Variants in GYS2 observed in about 807,000 individuals in gnomAD.
The protein encoded by GYS2 is glycogen [starch] synthase, liver.
Under a neutral mutation model 85.6 loss-of-function variants are expected in GYS2, and 80 were observed. The observed-to-expected ratio is 0.93, with a 90% CI of 0.78 to 1.13. GYS2 has a LOEUF of 1.13. GYS2 is among the 50% of genes most tolerant of loss of function. GYS2 has a pLI of 0.00. For missense variants in GYS2, 881 were observed against 854.9 expected (o/e 1.03, Z -0.38); for synonymous variants, 328 against 300.7 (o/e 1.09, Z -0.94).
At chr12:21,568,767 A>T in intron 5 of GYS2, 98 bp downstream of exon 5, 2 of 1,058,198 alleles carry the variant, frequency 1.9e-6, no homozygotes, top group Non-Finnish European at 1.5e-6. Context: ...ACTGAATGCA[A>T]TTTTTCCTCA....
At chr12:21,577,604 C>T (rs1944461003) in intron 2 of GYS2, among the ~76,000 whole-genome samples, 2 of 152,262 alleles carry the variant, frequency 1.3e-5, no homozygotes, top group African/African-American at 4.8e-5. Context: ...ATTCTCTATG[C>T]TGCCTTCACT....
Position 21,580,624 on chromosome 12 carries a change from A to G in GYS2, c.122-101T>C, listed in dbSNP as rs979595287. The G allele has an allele frequency of 3.4e-6, 3 of 875,684 alleles. No individual in the cohort carries two copies. The African/African-American group carries it at 4.9e-5, about 14-fold the overall frequency. 54.2% of individuals were successfully genotyped at this position (875,684 alleles called of 1,614,324 possible). A position where few individuals can be genotyped will look rare whatever the true frequency, so the allele number is the denominator to read the frequency against. ...TCAGATTTTTAAATTAGCATTTAGGATCCACTAAGCCCAAGGATTTATTTA... is the reference window on the plus strand; with the variant it reads ...TCAGATTTTTAAATTAGCATTTAGGGTCCACTAAGCCCAAGGATTTATTTA... On this transcript the variant is annotated intron_variant, in intron 1 of 15. Transcript: ENST00000261195.
intron 11 of GYS2, among the ~76,000 whole-genome samples, chr12:21,546,702 A>C (rs1944044855): frequency 6.6e-6 from 1 of 152,182 alleles, no homozygotes; most frequent in Non-Finnish European, 1.5e-5. Context: ...TCAGGTTCCA[A>C]GGCTTAGGTT....
At chr12:21,585,937 G>T (rs769409737) in intron 1 of GYS2, among the ~76,000 whole-genome samples, 1 of 152,134 alleles carries the variant, frequency 6.6e-6, no homozygotes, top group Non-Finnish European at 1.5e-5. Context: ...ATGACTTATT[G>T]TTGTCTTTAT....
intron 4 of GYS2, among the ~76,000 whole-genome samples, chr12:21,570,177 C>T (rs141185326): frequency 4.6e-5 from 7 of 152,178 alleles, no homozygotes; most frequent in Non-Finnish European, 1.0e-4. Context: ...GGAATCATCT[C>T]TCTGAAAATG....
intron 11 of GYS2, among the ~76,000 whole-genome samples, chr12:21,556,887 T>A (rs907714247): frequency 2.6e-5 from 4 of 152,116 alleles, no homozygotes; most frequent in African/African-American, 9.7e-5. Flanking sequence ...ATTTGTTTGA[T>A]TTTTTTAACA....
intron 4 of GYS2, among the ~76,000 whole-genome samples, chr12:21,569,844 T>G (rs1944365667): frequency 6.6e-6 from 1 of 152,232 alleles, no homozygotes; most frequent in South Asian, 2.1e-4. Context: ...TTAATTCTTA[T>G]AAACTACTGA....
intron 1 of GYS2, among the ~76,000 whole-genome samples, chr12:21,603,249 A>G (rs1944773060): frequency 6.6e-6 from 1 of 152,138 alleles, no homozygotes. Context: ...CTGTCCTCCT[A>G]GATTCTTTCT....
chr12:21,546,686 T>G (rs1296760784), intron 11 of GYS2, among the ~76,000 whole-genome samples: 2 of 152,226 alleles, frequency 1.3e-5, no homozygotes, highest in African/African-American at 4.8e-5. Context: ...CATATTTAAC[T>G]TTCCCTCAGG....
chr12:21,536,726 C>T lies in GYS2; in HGVS notation c.*228G>A. ...CCGTCTTCTGCCTTTAATGAGTGCT[C>T]CTCCTCATGCCTAACTTTATGGGGG... is the stretch of plus-strand genomic sequence containing the variant. On this transcript the variant is annotated 3_prime_UTR_variant, in exon 16 of 16. Transcript: ENST00000261195. The T allele has an allele frequency of 3.5e-6, 2 of 568,366 alleles. No individual in the cohort carries two copies. Among genetic ancestry groups the T allele is most frequent in the African/African-American group, 1.9e-5 (1 of 53,332 alleles). The allele number at this position is 568,366 out of a possible 1,614,324, so 35.2% of individuals were successfully genotyped here. A position where few individuals can be genotyped will look rare whatever the true frequency, so the allele number is the denominator to read the frequency against.
At chr12:21,555,539 T>C (rs768020532) in intron 11 of GYS2, among the ~76,000 whole-genome samples, 1 of 152,200 alleles carries the variant, frequency 6.6e-6, no homozygotes, top group Non-Finnish European at 1.5e-5. Flanking sequence ...TTGACACTTC[T>C]GATCTTAAAA....
rs990458881 is a variant in GYS2 at position 21,536,127 on chromosome 12, GTTTA to G, written c.*823_*826del. 3.3e-5 allele frequency: 5 copies of G among 152,240 alleles called. No homozygotes were observed. Among genetic ancestry groups the G allele is most frequent in the African/African-American group, 9.6e-5 (4 of 41,546 alleles). 9.4% of individuals were successfully genotyped at this position (152,240 alleles called of 1,614,324 possible). On this transcript the variant is annotated 3_prime_UTR_variant, in exon 16 of 16. Transcript: ENST00000261195. ...GAAAGTTGTTATTCAATATTAATGT[GTTTA>G]TTTACTTGGATTTAACAACTTATCA... is the stretch of plus-strand genomic sequence containing the variant.
chr12:21,574,648 ATATT>A (rs1944425050), intron 3 of GYS2, among the ~76,000 whole-genome samples: 1 of 152,158 alleles, frequency 6.6e-6, no homozygotes, highest in Non-Finnish European at 1.5e-5. Context: ...CACTCAAAAA[ATATT>A]TATTTAAGAA....
chr12:21,589,903 C>T lies in GYS2; in HGVS notation c.122-9380G>A, dbSNP rs578250470. On this transcript the variant is annotated intron_variant, in intron 1 of 15. Transcript: ENST00000261195. ...CACCAGATGACATCGTTCCTCAGACCCCAACATCATCTGCATCTCTACATC... is the reference window on the plus strand; with the variant it reads ...CACCAGATGACATCGTTCCTCAGACTCCAACATCATCTGCATCTCTACATC... Among the ~76,000 whole-genome samples the T allele has an allele frequency of 5.9e-5, 9 of 152,222 alleles. No individual in the cohort carries two copies. The South Asian group carries it at 1.9e-3, about 32-fold the overall frequency.
At chr12:21,558,143 C>A in intron 11 of GYS2, 57 bp downstream of exon 11, 1 of 1,028,692 alleles carries the variant, frequency 9.7e-7, no homozygotes, top group Non-Finnish European at 1.5e-6. Flanking sequence ...CTAATAAATT[C>A]TCAGAAAATA....
chr12:21,561,194 G>C (rs1944249017), intron 7 of GYS2, among the ~76,000 whole-genome samples: 1 of 152,204 alleles, frequency 6.6e-6, no homozygotes, highest in Non-Finnish European at 1.5e-5. Flanking sequence ...AAAGGAATGA[G>C]AGGTTAAATA....
chr12:21,576,849 A>G (rs1944452721), intron 2 of GYS2, among the ~76,000 whole-genome samples: 1 of 151,948 alleles, frequency 6.6e-6, no homozygotes, highest in Non-Finnish European at 1.5e-5. Context: ...TTTTCATTTT[A>G]TGTTTATTCT....
intron 3 of GYS2, 89 bp downstream of exon 3, chr12:21,575,777 C>T (rs376404348): frequency 2.0e-6 from 2 of 983,766 alleles, no homozygotes; most frequent in African/African-American, 1.6e-5. Context: ...ATCTCAAAAT[C>T]TGCCTCATTT....
At chr12:21,581,913 A>G (rs1206745587) in intron 1 of GYS2, among the ~76,000 whole-genome samples, 1 of 152,132 alleles carries the variant, frequency 6.6e-6, no homozygotes, top group African/African-American at 2.4e-5. Flanking sequence ...GCTCTAAAAG[A>G]GGATTAAAAA....
Sources: gnomAD v4.1 joint callset for allele counts (sites outside exome capture counted in the v4.1 genomes callset) on GRCh38, gnomAD v4.1.1 for gene constraint, MANE v1.5 for transcripts, NCBI Gene and HGNC (gene_info 2026-07-23, HGNC 2026-07-21) for gene names.